ODC1: variants seen among roughly 807,000 people sequenced by gnomAD.
ODC1 encodes ornithine decarboxylase.
In ODC1, 18 loss-of-function variants were observed where a neutral mutation model predicts 41.5. That is an observed-to-expected ratio of 0.43 (90% CI 0.30 to 0.64). ODC1 has a LOEUF of 0.64. Ranked by LOEUF, ODC1 falls within the 30% of genes least tolerant of loss-of-function variation. The pLI is 0.11. For missense variants in ODC1, 504 were observed against 589.0 expected, an observed-to-expected ratio of 0.86 and a Z score of 1.49; for synonymous variants, 218 against 211.6, an observed-to-expected ratio of 1.03 and a Z score of -0.26.
At chr2:10,444,034 T>A in intron 5 of ODC1, 61 bp downstream of exon 5, 1 of 1,509,902 alleles carries the variant, frequency 6.6e-7, no homozygotes, top group Non-Finnish European at 8.9e-7. Context: ...TTAAGTTTGT[T>A]TGATAAGAAT....
chr2:10,446,239 T>G (rs1672009377), intron 1 of ODC1, among the ~76,000 whole-genome samples: 1 of 151,952 alleles, frequency 6.6e-6, no homozygotes. Context: ...GTTCAAGCGA[T>G]TCTCCTGCCT....
intron 2 of ODC1, 22 bp downstream of exon 2, chr2:10,445,133 T>C: frequency 1.4e-6 from 1 of 712,636 alleles, no homozygotes; most frequent in Non-Finnish European, 2.5e-6. Context: ...ACCTGCAACA[T>C]AAATGTAAAC....
chr2:10,443,241 TAA>T lies in ODC1; in HGVS notation c.737_738del (p.Leu246GlnfsTer3). 1 of 1,610,418 alleles carries T rather than the reference TAA, an allele frequency of 6.2e-7. No homozygotes were observed. Among genetic ancestry groups the T allele is most frequent in the Non-Finnish European group, 8.5e-7 (1 of 1,179,000 alleles). On this transcript the variant is annotated frameshift_variant, in exon 8 of 12. Transcript: ENST00000234111. LOFTEE classifies it high-confidence loss of function. ...GGFPGSEDVKLKFEEITGVIN... is the reference protein window; with the variant it reads ...GGFPGSEDVKXKFEEITGVIN... ...TTGTTCTAAATTACCTCTTCAAATTTAAGTTTCACATCCTCAGATCCAGGAAA... is the reference window on the plus strand; with the variant it reads ...TTGTTCTAAATTACCTCTTCAAATTTGTTTCACATCCTCAGATCCAGGAAA...
chr2:10,446,189 A>G (rs1192291127), intron 1 of ODC1, among the ~76,000 whole-genome samples: 4 of 147,406 alleles, frequency 2.7e-5, no homozygotes, highest in Admixed American at 6.8e-5. Context: ...GCTGGAGTGC[A>G]ATGGCATGAT....
At chr2:10,443,632 AC>A (rs1314399712) in intron 6 of ODC1, 61 bp from the exon 7 acceptor site, 2 of 1,606,974 alleles carry the variant, frequency 1.2e-6, no homozygotes, top group Admixed American at 1.7e-5. Context: ...AATAGCAAAC[AC>A]TAGGAGAAAG....
At chr2:10,440,911 C>T in intron 11 of ODC1, 43 bp from the exon 12 acceptor site, 5 of 1,608,966 alleles carry the variant, frequency 3.1e-6, no homozygotes, top group South Asian at 2.2e-5. Context: ...TGACTCACTC[C>T]TAACTGGGCA....
At position 10,441,724 on chromosome 2, in the gene ODC1, CTA is replaced by C; in HGVS notation, c.1027-3_1027-2del. 6.2e-7 allele frequency: 1 copy of C among 1,614,014 alleles called. No homozygotes were observed. Among genetic ancestry groups the C allele is most frequent in the Non-Finnish European group, 8.5e-7 (1 of 1,179,906 alleles). ...AATACTTCTCATCTGGTTTAGGTCT[CTA>C]TATAAAGAGACGGAGAGAGGAAGTA... On this transcript the variant is annotated splice_acceptor_variant and splice_polypyrimidine_tract_variant and intron_variant, in intron 10 of 11. Transcript: ENST00000234111. LOFTEE classifies it high-confidence loss of function.
Position 10,443,283 on chromosome 2 carries a change from C to CA in ODC1, c.696dup (p.Asp233Ter). On this transcript the variant is annotated frameshift_variant, in exon 8 of 12. Transcript: ENST00000234111. LOFTEE classifies it high-confidence loss of function. Reference sequence around the variant, plus strand: ...GATCCAGGAAAGCCACCGCCAATATCAAGCAGATACATGCTGAAACCAACC... The same window carrying CA: ...GATCCAGGAAAGCCACCGCCAATATCAAAGCAGATACATGCTGAAACCAACC... 1 of 1,612,320 alleles carries CA rather than the reference C, an allele frequency of 6.2e-7. No individual in the cohort carries two copies. The highest frequency in any genetic ancestry group is 8.5e-7 in the Non-Finnish European group (1 of 1,179,632).
rs757049560 is a variant in ODC1, at chr2:10,443,694, A to G, written c.584+8T>C. ...TCTTGACCTCTAGCTATCCCACCAA[A>G]ATCTCACCTGACACCAACAACATCG... On this transcript the variant is annotated splice_region_variant and intron_variant, in intron 6 of 11. Transcript: ENST00000234111. 6.2e-7 allele frequency: 1 copy of G among 1,613,668 alleles called. No individual in the cohort carries two copies. The highest frequency in any genetic ancestry group is 1.1e-5 in the South Asian group (1 of 91,058).
rs79403289 is a variant in ODC1, at chr2:10,445,644, T to A, written c.-127-380A>T. On this transcript the variant is annotated intron_variant, in intron 1 of 11. Transcript: ENST00000234111. ...CTTAAAATAGCATTATAGACTTTTTTATTTTTTTTGAGACAGAGTCTCACG... is the reference window on the plus strand; with the variant it reads ...CTTAAAATAGCATTATAGACTTTTTAATTTTTTTTGAGACAGAGTCTCACG... Among the ~76,000 whole-genome samples the A allele has an allele frequency of 3.9e-5, 6 of 152,220 alleles. No individual in the cohort carries two copies. In the East Asian group the frequency reaches 7.7e-4, roughly 20 times the overall value.
rs1386286614 is a variant in ODC1, at chr2:10,441,540, T to C, written c.1210A>G (p.Thr404Ala). 4 of 1,614,034 alleles carry C rather than the reference T, an allele frequency of 2.5e-6. No individual in the cohort carries two copies. In the African/African-American group the frequency reaches 5.3e-5, roughly 22 times the overall value. ...ASTFNGFQRPTIYYVMSGPAW... is the reference protein window; with the variant it reads ...ASTFNGFQRPAIYYVMSGPAW... Reference sequence around the variant, plus strand: ...GGCCCTGACATCACATAGTAGATCGTCGGCCTCTGGAAGCCATTGAACGTA... The same window carrying C: ...GGCCCTGACATCACATAGTAGATCGCCGGCCTCTGGAAGCCATTGAACGTA... The change falls in exon 11 of 12, where the codon ACG becomes GCG. Residue 404 changes from threonine (T) to alanine (A), a missense_variant. Physicochemically the swap from Thr to Ala is moderately conservative, Grantham distance 58. Around this residue, in one of 3 missense-constraint regions of ODC1, gnomAD observed 447 missense variants for 524.4 expected, o/e 0.85. Transcript: ENST00000234111.
At chr2:10,447,956 G>A (rs1051291200) in intron 1 of ODC1, among the ~76,000 whole-genome samples, 165 bp downstream of exon 1, 1 of 152,086 alleles carries the variant, frequency 6.6e-6, no homozygotes, top group Non-Finnish European at 1.5e-5. Flanking sequence ...GGAGAACCCC[G>A]GGCCGGGAGG....
intron 5 of ODC1, 73 bp downstream of exon 5, chr2:10,444,022 A>G (rs915241630): frequency 7.3e-6 from 11 of 1,500,800 alleles, no homozygotes; most frequent in African/African-American, 7.0e-5. Context: ...ATAATCAGAA[A>G]TTTAAGTTTG....
At chr2:10,445,738 C>T (rs536995229) in intron 1 of ODC1, among the ~76,000 whole-genome samples, 8 of 152,106 alleles carry the variant, frequency 5.3e-5, no homozygotes, top group Non-Finnish European at 8.8e-5. Flanking sequence ...CGGGTTCAAG[C>T]GATTCTCCTG....
chr2:10,443,597 ACT>A, intron 6 of ODC1, 26 bp from the exon 7 acceptor site: 1 of 1,609,650 alleles, frequency 6.2e-7, no homozygotes, highest in African/African-American at 1.3e-5. Flanking sequence ...GAGACGAGAC[ACT>A]GTGTCTTAGT....
intron 2 of ODC1, 36 bp from the exon 3 acceptor site, chr2:10,445,085 T>C (rs546194327): frequency 8.9e-7 from 1 of 1,118,368 alleles, no homozygotes; most frequent in South Asian, 1.2e-5. Flanking sequence ...AGTGGAGAAA[T>C]TCACTTAGAA....
intron 1 of ODC1, among the ~76,000 whole-genome samples, chr2:10,445,711 C>T (rs1671990671): frequency 6.6e-6 from 1 of 152,210 alleles, no homozygotes; most frequent in Non-Finnish European, 1.5e-5. Context: ...TCTTGGCTCA[C>T]TGCAACCTCT....
At chr2:10,447,127 T>A (rs1158861182) in intron 1 of ODC1, among the ~76,000 whole-genome samples, 1 of 152,254 alleles carries the variant, frequency 6.6e-6, no homozygotes, top group Admixed American at 6.5e-5. Context: ...TTCTTTTTAA[T>A]ACGCCAATAC....
At chr2:10,448,051 CG>C (rs1672094590) in intron 1 of ODC1, 69 bp downstream of exon 1, 2 of 156,898 alleles carry the variant, frequency 1.3e-5, no homozygotes, top group Admixed American at 6.5e-5. Flanking sequence ...GCCCGGGGCC[CG>C]GGGCCCGCAG....
Sources: allele counts gnomAD v4.1 joint callset (sites outside exome capture counted in the v4.1 genomes callset), GRCh38; gene constraint gnomAD v4.1.1; regional missense constraint gnomAD v4.1.1; transcripts MANE v1.5; gene names NCBI Gene and HGNC (gene_info 2026-07-23, HGNC 2026-07-21).